SEMA7A: variants seen among roughly 807,000 people sequenced by gnomAD.
SEMA7A encodes semaphorin-7A.
Under a neutral mutation model 67.5 loss-of-function variants are expected in SEMA7A, and 21 were observed. The observed-to-expected ratio is 0.31, with a 90% CI of 0.22 to 0.45. SEMA7A has a LOEUF of 0.45. SEMA7A is among the 20% of genes least tolerant of loss of function. The pLI, the probability that SEMA7A is intolerant of heterozygous loss-of-function variation, is 1.00. For missense variants in SEMA7A, 774 were observed against 908.6 expected (o/e 0.85, Z 1.90); for synonymous variants, 364 against 368.5 (o/e 0.99, Z 0.14).
chr15:74,427,634 T>A (rs971872553), intron 1 of SEMA7A, among the ~76,000 whole-genome samples: 1 of 152,104 alleles, frequency 6.6e-6, no homozygotes, highest in African/African-American at 2.4e-5. Context: ...CAAACAACAA[T>A]ATGAATAGCT....
At chr15:74,418,549 C>A (rs1293914191) in intron 2 of SEMA7A, among the ~76,000 whole-genome samples, 1 of 152,230 alleles carries the variant, frequency 6.6e-6, no homozygotes, top group East Asian at 1.9e-4. Context: ...CAGCTTCCAG[C>A]CTGGGCTTTC....
At position 74,417,197 on chromosome 15, in the gene SEMA7A, G is replaced by A. The variant is rs183141493; in HGVS notation, c.661+138C>T. On this transcript the variant is annotated intron_variant, in intron 6 of 13. Coordinates refer to ENST00000261918, the MANE Select transcript of SEMA7A (RefSeq NM_003612.5). ...CTCCCAGCCAACCCTAACTTCTCAGGCCTATACCAAGGTCCTGCTTTCCTG... is the reference window on the plus strand; with the variant it reads ...CTCCCAGCCAACCCTAACTTCTCAGACCTATACCAAGGTCCTGCTTTCCTG... The A allele has an allele frequency of 1.9e-3, 1,360 of 707,960 alleles. No individual in the cohort carries two copies. The highest frequency in any genetic ancestry group is 2.6e-3 in the Non-Finnish European group (1,054 of 400,322). 43.9% of individuals were successfully genotyped at this position (707,960 alleles called of 1,614,324 possible).
At chr15:74,415,628 C>T (rs946175308) in intron 8 of SEMA7A, among the ~76,000 whole-genome samples, 173 bp downstream of exon 8, 3 of 152,110 alleles carry the variant, frequency 2.0e-5, no homozygotes, top group African/African-American at 7.2e-5. Flanking sequence ...CACAACAGTA[C>T]ATACATCGCA....
chr15:74,410,769 G>A lies in SEMA7A; in HGVS notation c.1856C>T (p.Ser619Phe), dbSNP rs1223728434. Residue 619 changes from serine to phenylalanine, a missense_variant, in exon 14 of 14, where the codon TCC (serine) becomes TTC (phenylalanine). Transcript: ENST00000261918. The surrounding 1 kb of genome is among the most constrained non-coding windows in gnomAD (Gnocchi z 7.5). ...CCAGTGCTGAGCCTCGCGGAAGTAGGAGCCCTCCTGGGCCTCGCAGAAGTA... is the reference window on the plus strand; with the variant it reads ...CCAGTGCTGAGCCTCGCGGAAGTAGAAGCCCTCCTGGGCCTCGCAGAAGTA... ...GHYFCEAQEGSYFREAQHWQL... is the reference protein window; with the variant it reads ...GHYFCEAQEGFYFREAQHWQL... The A allele has an allele frequency of 2.5e-6, 4 of 1,614,074 alleles. No individual in the cohort carries two copies. In the Admixed American group the frequency reaches 5.0e-5, roughly 20 times the overall value.
At chr15:74,416,414 CAT>C (rs2060948946) in intron 7 of SEMA7A, among the ~76,000 whole-genome samples, 159 bp downstream of exon 7, 1 of 152,174 alleles carries the variant, frequency 6.6e-6, no homozygotes, top group South Asian at 2.1e-4. Context: ...CACACAGACA[CAT>C]GATGCTCCAT....
chr15:74,425,754 C>A (rs2061039069), intron 1 of SEMA7A, among the ~76,000 whole-genome samples: 1 of 152,204 alleles, frequency 6.6e-6, no homozygotes, highest in South Asian at 2.1e-4. Context: ...CAGCTCCCCA[C>A]CTCCTCCCAG....
rs1162476758 is a variant in SEMA7A at position 74,423,634 on chromosome 15, G to A, written c.179-4682C>T. ...CGAGTCACTAACCTGATAACTAAAG[G>A]GAATCACCCGCCCACCCACCTTCCA... On this transcript the variant is annotated intron_variant, in intron 1 of 13. Transcript: ENST00000261918. This position sits in a 1 kb window ranked among gnomAD's most constrained non-coding sequence, Gnocchi z 4.1. Among the ~76,000 whole-genome samples, 1 of 152,098 alleles carries A rather than the reference G, an allele frequency of 6.6e-6. No homozygotes were observed. The highest frequency in any genetic ancestry group is 1.5e-5 in the Non-Finnish European group (1 of 68,012).
In SEMA7A at chr15:74,422,265, C is replaced by G. The variant is rs78592593; in HGVS notation, c.179-3313G>C. Among the ~76,000 whole-genome samples, 450 of 152,134 alleles carry G rather than the reference C, an allele frequency of 3.0e-3. 6 individuals are homozygous for G. The highest frequency in any genetic ancestry group is 0.024 in the East Asian group (125 of 5,156). ...CTCTGGCGTCCCCCACCTCCTGGCTCCCCCTGCTTCCCATCCTGCTTGTCT... is the reference window on the plus strand; with the variant it reads ...CTCTGGCGTCCCCCACCTCCTGGCTGCCCCTGCTTCCCATCCTGCTTGTCT... On this transcript the variant is annotated intron_variant, in intron 1 of 13. Transcript: ENST00000261918.
chr15:74,412,953 T>A (rs1298722759), intron 10 of SEMA7A, among the ~76,000 whole-genome samples: 1 of 152,228 alleles, frequency 6.6e-6, no homozygotes, highest in Non-Finnish European at 1.5e-5. Context: ...TAGGGACCAA[T>A]GGGCACCCTG....
chr15:74,422,740 T>TCG (rs1274579719), intron 1 of SEMA7A, among the ~76,000 whole-genome samples: 4 of 152,144 alleles, frequency 2.6e-5, no homozygotes. Flanking sequence ...GACCCTACCC[T>TCG]CGATCACCAC....
chr15:74,424,191 T>G (rs1185652784), intron 1 of SEMA7A, among the ~76,000 whole-genome samples: 5 of 152,160 alleles, frequency 3.3e-5, no homozygotes, highest in African/African-American at 1.2e-4. Context: ...GCTGGACAGC[T>G]GGCTGGCTGT....
rs1193937715 is a variant in SEMA7A at position 74,411,451 on chromosome 15, G to T, written c.1578-95C>A. ...CAGTGCAGTTCCAGCAGAGAGGAGG[G>T]TCCCACAAGAAAGGCCCAGTACCGC... On this transcript the variant is annotated intron_variant, in intron 12 of 13. Transcript: ENST00000261918. The surrounding 1 kb of genome is among the most constrained non-coding windows in gnomAD (Gnocchi z 4.4). 1 of 1,547,510 alleles carries T rather than the reference G, an allele frequency of 6.5e-7. No individual in the cohort carries two copies. Among genetic ancestry groups the T allele is most frequent in the South Asian group, 1.2e-5 (1 of 81,038 alleles).
chr15:74,414,416 CCT>C lies in SEMA7A; in HGVS notation c.1294+129_1294+130del, dbSNP rs1170526226. ...TCTTCCACACCCACACACATTAACCCCTGACAACTCCAGTCACTCAATTATTC... is the reference window on the plus strand; with the variant it reads ...TCTTCCACACCCACACACATTAACCCGACAACTCCAGTCACTCAATTATTC... On this transcript the variant is annotated intron_variant, in intron 10 of 13. Coordinates refer to ENST00000261918, the MANE Select transcript of SEMA7A (RefSeq NM_003612.5). The surrounding 1 kb of genome is among the most constrained non-coding windows in gnomAD (Gnocchi z 4.1). 6 of 992,040 alleles carry C rather than the reference CCT, an allele frequency of 6.0e-6. No individual in the cohort carries two copies. The highest frequency in any genetic ancestry group is 9.4e-6 in the Non-Finnish European group (6 of 641,336). The allele number at this position is 992,040 out of a possible 1,614,324, so 61.5% of individuals were successfully genotyped here.
chr15:74,433,591 C>G (rs2061112650), intron 1 of SEMA7A, 150 bp downstream of exon 1: 3 of 1,262,196 alleles, frequency 2.4e-6, no homozygotes, highest in Non-Finnish European at 2.0e-6. Context: ...CACACTCACC[C>G]AAACCCACAC....
Position 74,432,708 on chromosome 15 carries a change from C to T in SEMA7A, c.178+1033G>A, listed in dbSNP as rs543066067. On this transcript the variant is annotated intron_variant, in intron 1 of 13. Coordinates refer to ENST00000261918, the MANE Select transcript of SEMA7A (RefSeq NM_003612.5). The stretch of plus-strand genomic sequence containing the variant: ...AGGCTCCCGGTGGGGCCAGACCCGA[C>T]CAGTTCCCCCAGCCCCCACTGCGAG... 1.4e-3 allele frequency among the ~76,000 whole-genome samples: 208 copies of T among 152,254 alleles called. 1 individual carries two copies. Among genetic ancestry groups the T allele is most frequent in the African/African-American group, 3.7e-3 (153 of 41,538 alleles).
chr15:74,423,250 C>T lies in SEMA7A; in HGVS notation c.179-4298G>A, dbSNP rs1270385060. Among the ~76,000 whole-genome samples, 2 of 152,340 alleles carry T rather than the reference C, an allele frequency of 1.3e-5. No individual in the cohort carries two copies. The highest frequency in any genetic ancestry group is 1.9e-4 in the East Asian group (1 of 5,178). ...CACTGCCAGGCCTACCTCACACCCT[C>T]GCCCAACTACGTGTCTGGAAAAGAG... On this transcript the variant is annotated intron_variant, in intron 1 of 13. Coordinates refer to ENST00000261918, the MANE Select transcript of SEMA7A (RefSeq NM_003612.5). This position sits in a 1 kb window ranked among gnomAD's most constrained non-coding sequence, Gnocchi z 4.1.
At position 74,411,774 on chromosome 15, in the gene SEMA7A, G is replaced by A; in HGVS notation, c.1423-64C>T. The A allele has an allele frequency of 1.2e-6, 2 of 1,603,786 alleles. No homozygotes were observed. The highest frequency in any genetic ancestry group is 1.7e-5 in the Admixed American group (1 of 59,232). Reference sequence around the variant, plus strand: ...CCCCACACTCAGTCCTAAATGTCCAGGCCCTAAGGCCTAGAAGCTCTTAAA... The same window carrying A: ...CCCCACACTCAGTCCTAAATGTCCAAGCCCTAAGGCCTAGAAGCTCTTAAA... On this transcript the variant is annotated intron_variant, in intron 11 of 13. Transcript: ENST00000261918. This position sits in a 1 kb window ranked among gnomAD's most constrained non-coding sequence, Gnocchi z 4.4.
Position 74,414,504 on chromosome 15 carries a change from C to G in SEMA7A, c.1294+43G>C. ...CATTATTCCTTACACCTTTCATGCCCGTTTTTACAAAGCAAACTGAGGGTC... is the reference window on the plus strand; with the variant it reads ...CATTATTCCTTACACCTTTCATGCCGGTTTTTACAAAGCAAACTGAGGGTC... On this transcript the variant is annotated intron_variant, in intron 10 of 13. Coordinates refer to ENST00000261918, the MANE Select transcript of SEMA7A (RefSeq NM_003612.5). This position sits in a 1 kb window ranked among gnomAD's most constrained non-coding sequence, Gnocchi z 4.1. 2 of 1,578,326 alleles carry G rather than the reference C, an allele frequency of 1.3e-6. No individual in the cohort carries two copies. Among genetic ancestry groups the G allele is most frequent in the Non-Finnish European group, 1.7e-6 (2 of 1,148,846 alleles).
rs767257948 is a variant in SEMA7A, at chr15:74,414,732, T to C, written c.1109A>G (p.Gln370Arg). 1.2e-6 allele frequency: 2 copies of C among 1,614,112 alleles called. No homozygotes were observed. Among genetic ancestry groups the C allele is most frequent in the Non-Finnish European group, 1.7e-6 (2 of 1,180,024 alleles). ...GAAGGTCTCTGTGGGTATCGGCTGC[T>C]GGTCTGGGAGGCACTGGGCAAGGAG... ...NPRPGKCLPDQQPIPTETFQV... is the reference protein window; with the variant it reads ...NPRPGKCLPDRQPIPTETFQV... Residue 370 changes from glutamine (Q) to arginine (R), a missense_variant, in exon 10 of 14, where the codon CAG becomes CGG. Physicochemically the swap from Gln to Arg is conservative, Grantham distance 43. Around this residue, in one of 2 missense-constraint regions of SEMA7A, gnomAD observed 427 missense variants for 555.4 expected, o/e 0.77. Coordinates refer to ENST00000261918, the MANE Select transcript of SEMA7A (RefSeq NM_003612.5). This position sits in a 1 kb window ranked among gnomAD's most constrained non-coding sequence, Gnocchi z 4.1.
Sources: gnomAD v4.1 joint callset for allele counts (sites outside exome capture counted in the v4.1 genomes callset) on GRCh38, gnomAD v4.1.1 for gene constraint, gnomAD v4.1.1 regional missense constraint, Gnocchi (gnomAD v3.1) non-coding constraint, MANE v1.5 for transcripts, NCBI Gene and HGNC (gene_info 2026-07-23, HGNC 2026-07-21) for gene names.